FSIP1: variants seen among roughly 807,000 people sequenced by gnomAD.
The protein encoded by FSIP1 is fibrous sheath interacting protein 1, also known as fibrous sheath-interacting protein 1.
Under a neutral mutation model 60.9 loss-of-function variants are expected in FSIP1, and 65 were observed. The observed-to-expected ratio is 1.07, with a 90% CI of 0.87 to 1.31. FSIP1 has a LOEUF of 1.31. Among genes scored for constraint, FSIP1 ranks in the 40% most tolerant of loss-of-function variants. The pLI is 0.00. For missense variants in FSIP1, 675 were observed against 665.5 expected, an observed-to-expected ratio of 1.01 and a Z score of -0.16; for synonymous variants, 209 against 221.2, an observed-to-expected ratio of 0.94 and a Z score of 0.49.
At chr15:39,776,029 T>G (rs1898042325) in intron 2 of FSIP1, among the ~76,000 whole-genome samples, 1 of 149,130 alleles carries the variant, frequency 6.7e-6, no homozygotes, top group Non-Finnish European at 1.5e-5. Flanking sequence ...ATACAAAACT[T>G]CCTTATAAAG....
chr15:39,618,137 C>T lies in FSIP1; in HGVS notation c.1297G>A (p.Asp433Asn), dbSNP rs191033835. Residue 433 changes from aspartate (D) to asparagine (N), a missense_variant, in exon 11 of 12, where the codon GAC (aspartate) becomes AAC (asparagine). By Grantham distance (23) the Asp-to-Asn change is conservative (BLOSUM62 1). Transcript: ENST00000350221. ...IKLSSERKKEDIEDVTPVFPQ... is the reference protein window; with the variant it reads ...IKLSSERKKENIEDVTPVFPQ... The stretch of plus-strand genomic sequence containing the variant: ...AACACAGGTGTTACGTCCTCAATGT[C>T]TTCCTTTTTTCTTTCTGAAGAAAGT... 2 of 1,614,124 alleles carry T rather than the reference C, an allele frequency of 1.2e-6. No homozygotes were observed. The highest frequency in any genetic ancestry group is 2.2e-5 in the East Asian group (1 of 44,870).
intron 10 of FSIP1, among the ~76,000 whole-genome samples, chr15:39,697,075 A>G (rs939907368): frequency 1.3e-5 from 2 of 152,110 alleles, no homozygotes; most frequent in African/African-American, 2.4e-5. Flanking sequence ...CCCAAAAGCT[A>G]TTTTCACTAC....
chr15:39,724,582 T>C (rs1299479588), intron 9 of FSIP1, among the ~76,000 whole-genome samples: 1 of 152,156 alleles, frequency 6.6e-6, no homozygotes, highest in African/African-American at 2.4e-5. Flanking sequence ...GAAGTCCTAA[T>C]AGCCAAACAA....
rs1890736944 is a variant in FSIP1, at chr15:39,604,072, T to C, written c.1700-3146A>G. On this transcript the variant is annotated intron_variant, in intron 11 of 11. Coordinates refer to ENST00000350221, the MANE Select transcript of FSIP1 (RefSeq NM_152597.5). ...TCAGCCTCCCAAGTAGCTGGGATTA[T>C]AGGCATGCACCACCATACCCGGCTA... Among the ~76,000 whole-genome samples the C allele has an allele frequency of 2.6e-5, 4 of 152,296 alleles. No homozygotes were observed. In the South Asian group the frequency reaches 6.2e-4, roughly 24 times the overall value.
intron 10 of FSIP1, among the ~76,000 whole-genome samples, chr15:39,699,582 A>G (rs1191533468): frequency 6.6e-6 from 1 of 152,248 alleles, no homozygotes; most frequent in East Asian, 1.9e-4. Flanking sequence ...ATAGCTGCTT[A>G]GAAAACTTTA....
intron 10 of FSIP1, among the ~76,000 whole-genome samples, chr15:39,667,707 A>T (rs1486112873): frequency 6.6e-6 from 1 of 152,210 alleles, no homozygotes; most frequent in Non-Finnish European, 1.5e-5. Flanking sequence ...TCCAGGGATC[A>T]GGGAAAGCTT....
At chr15:39,690,385 A>G (rs1426107206) in intron 10 of FSIP1, among the ~76,000 whole-genome samples, 1 of 152,228 alleles carries the variant, frequency 6.6e-6, no homozygotes, top group Non-Finnish European at 1.5e-5. Flanking sequence ...AGGATTTGAA[A>G]GACATTAAGG....
intron 10 of FSIP1, among the ~76,000 whole-genome samples, chr15:39,690,025 A>G (rs1894533932): frequency 6.6e-6 from 1 of 152,226 alleles, no homozygotes; most frequent in Non-Finnish European, 1.5e-5. Context: ...ATAAAGGGGA[A>G]GATATTTGAA....
intron 10 of FSIP1, among the ~76,000 whole-genome samples, chr15:39,674,208 C>T (rs1893841304): frequency 6.6e-6 from 1 of 152,084 alleles, no homozygotes; most frequent in South Asian, 2.1e-4. Context: ...GCACCCACCA[C>T]CACACCCAGC....
At chr15:39,681,074 C>T (rs1038341682) in intron 10 of FSIP1, among the ~76,000 whole-genome samples, 2 of 152,002 alleles carry the variant, frequency 1.3e-5, no homozygotes, top group Non-Finnish European at 2.9e-5. Flanking sequence ...ATTCCAAGAA[C>T]GTTGAGTTTT....
intron 10 of FSIP1, among the ~76,000 whole-genome samples, chr15:39,665,114 C>T (rs763248221): frequency 4.6e-5 from 7 of 152,178 alleles, no homozygotes; most frequent in Non-Finnish European, 1.0e-4. Flanking sequence ...ATTAGCATGA[C>T]CCCAGCTGCA....
chr15:39,604,254 T>C (rs936808989), intron 11 of FSIP1, among the ~76,000 whole-genome samples: 3 of 152,214 alleles, frequency 2.0e-5, no homozygotes, highest in African/African-American at 7.2e-5. Flanking sequence ...TCTAACAAGC[T>C]TCCAGTTGAT....
chr15:39,727,187 T>C (rs567354100), intron 8 of FSIP1, among the ~76,000 whole-genome samples: 3 of 152,398 alleles, frequency 2.0e-5, no homozygotes, highest in Admixed American at 1.3e-4. Context: ...ACAAACTTAA[T>C]TGATCATCTT....
intron 10 of FSIP1, among the ~76,000 whole-genome samples, chr15:39,622,032 A>T (rs1203275373): frequency 6.6e-6 from 1 of 152,212 alleles, no homozygotes; most frequent in Admixed American, 6.5e-5. Context: ...GCTCCATCAC[A>T]AACATCCCTA....
At chr15:39,749,296 T>G (rs1403931341) in intron 5 of FSIP1, among the ~76,000 whole-genome samples, 1 of 126,184 alleles carries the variant, frequency 7.9e-6, no homozygotes, top group Non-Finnish European at 1.6e-5. Context: ...AGGGGATACT[T>G]TCTAACATAT....
At chr15:39,628,454 G>C (rs565466759) in intron 10 of FSIP1, among the ~76,000 whole-genome samples, 1 of 152,198 alleles carries the variant, frequency 6.6e-6, no homozygotes, top group Non-Finnish European at 1.5e-5. Context: ...AGGCCAGGGG[G>C]CTAAAAGGAG....
chr15:39,647,375 T>A (rs1420972096), intron 10 of FSIP1, among the ~76,000 whole-genome samples: 1 of 152,122 alleles, frequency 6.6e-6, no homozygotes, highest in Non-Finnish European at 1.5e-5. Flanking sequence ...CAAATATATA[T>A]AATTTTAAAA....
chr15:39,658,880 T>C (rs1893178684), intron 10 of FSIP1, among the ~76,000 whole-genome samples: 1 of 152,250 alleles, frequency 6.6e-6, no homozygotes, highest in Non-Finnish European at 1.5e-5. Context: ...GCAGCATTAT[T>C]CATAATCGCC....
chr15:39,759,783 C>G lies in FSIP1; in HGVS notation c.559+4038G>C, dbSNP rs187761273. On this transcript the variant is annotated intron_variant, in intron 5 of 11. Transcript: ENST00000350221. ...CCAGCAGGCTTGAGGCTGCATCACT[C>G]CAATCTCTGCCTCCGTCTTTGCAGC... Among the ~76,000 whole-genome samples the G allele has an allele frequency of 5.9e-5, 9 of 152,300 alleles. No individual in the cohort carries two copies. The East Asian group carries it at 1.7e-3, about 29-fold the overall frequency.
Sources: gnomAD v4.1 joint callset for allele counts (sites outside exome capture counted in the v4.1 genomes callset) on GRCh38, gnomAD v4.1.1 for gene constraint, MANE v1.5 for transcripts, NCBI Gene and HGNC (gene_info 2026-07-23, HGNC 2026-07-21) for gene names.